Variants in NOTCH2NLB observed in about 807,000 individuals in gnomAD.
NOTCH2NLB encodes notch 2 N-terminal like B.
Under a neutral mutation model 14.8 loss-of-function variants are expected in NOTCH2NLB, and 1 was observed. The ratio of observed to expected loss-of-function variants is 0.07; its 90% CI spans 0.02 to 0.32. The LOEUF is 0.32. NOTCH2NLB is among the 10% of genes least tolerant of loss of function. The pLI, the probability that NOTCH2NLB is intolerant of heterozygous loss-of-function variation, is 1.00. For synonymous variants in NOTCH2NLB, 6 were observed against 57.5 expected (o/e 0.10, Z 4.05); for missense variants, 11 against 155.0 (o/e 0.07, Z 4.93).
chr1:148,654,771 TATA>T (rs1284414506), intron 1 of NOTCH2NLB, among the ~76,000 whole-genome samples: 1 of 95,420 alleles, frequency 1.0e-5, no homozygotes, highest in Non-Finnish European at 2.4e-5. Flanking sequence ...AGTTTTAAGC[TATA>T]ATAAGTCTAT....
chr1:148,625,318 T>C (rs1663955994), intron 2 of NOTCH2NLB, among the ~76,000 whole-genome samples: 1 of 71,440 alleles, frequency 1.4e-5, no homozygotes, highest in South Asian at 7.0e-4. Flanking sequence ...ATCCAGGGCT[T>C]TGCTGCAGCT....
chr1:148,636,914 G>A (rs1207832726), intron 2 of NOTCH2NLB, among the ~76,000 whole-genome samples: 1 of 145,754 alleles, frequency 6.9e-6, no homozygotes, highest in Non-Finnish European at 1.5e-5. Flanking sequence ...CCAAAAGGAT[G>A]GCCTCACCAA....
intron 1 of NOTCH2NLB, among the ~76,000 whole-genome samples, chr1:148,670,480 GTATAT>G (rs1261746707): frequency 7.4e-6 from 1 of 135,368 alleles, no homozygotes; most frequent in Non-Finnish European, 1.6e-5. Flanking sequence ...GTTGACAATA[GTATAT>G]TATGTGTGTG....
intron 1 of NOTCH2NLB, among the ~76,000 whole-genome samples, chr1:148,670,539 A>AAATATATATATACATATATAGATAT (rs1445301786): frequency 1.1e-5 from 1 of 93,482 alleles, no homozygotes; most frequent in African/African-American, 4.3e-5. Flanking sequence ...TAAAAAAAAA[A>AAATATATATATACATATATAGATAT]ATATATATAT....
At chr1:148,673,782 A>G (rs1178657478) in intron 1 of NOTCH2NLB, among the ~76,000 whole-genome samples, 4 of 148,660 alleles carry the variant, frequency 2.7e-5, no homozygotes, top group African/African-American at 9.8e-5. Context: ...ACCTGTCTCT[A>G]ATACTCTCAA....
At chr1:148,610,373 G>GAAAGAAAGAAAGAAAGAGAAAGAA (rs1484773225) in intron 3 of NOTCH2NLB, among the ~76,000 whole-genome samples, 1 of 89,188 alleles carries the variant, frequency 1.1e-5, no homozygotes, top group African/African-American at 4.9e-5. Context: ...AAGAAAGAAA[G>GAAAGAAAGAAAGAAAGAGAAAGAA]AGAAAGAAAG....
intron 1 of NOTCH2NLB, among the ~76,000 whole-genome samples, chr1:148,651,158 A>ATATATAT (rs1383778431): frequency 1.8e-4 from 15 of 81,292 alleles, no homozygotes; most frequent in African/African-American, 5.2e-4. Flanking sequence ...AAAAAAAAAA[A>ATATATAT]AAAAATATAT....
chr1:148,615,410 A>G (rs1162803727), intron 3 of NOTCH2NLB, among the ~76,000 whole-genome samples: 1 of 34,050 alleles, frequency 2.9e-5, no homozygotes, highest in African/African-American at 6.9e-5. Flanking sequence ...TTGGCCTGCC[A>G]AAATGCTGGG....
Position 148,679,395 on chromosome 1 carries a change from G to A in NOTCH2NLB, c.3+67C>T, listed in dbSNP as rs1451453258. 26 of 724,456 alleles carry A rather than the reference G, an allele frequency of 3.6e-5. 1 individual carries two copies. The highest frequency in any genetic ancestry group is 2.1e-4 in the African/African-American group (8 of 38,556). 44.9% of individuals were successfully genotyped at this position (724,456 alleles called of 1,614,324 possible). On this transcript the variant is annotated intron_variant, in intron 1 of 4. Transcript: ENST00000593495. Reference sequence around the variant, plus strand: ...CTTCCCACACAGAGAAGGACCGAGGGGGAGAAGGGTCGCCCCAGGTGGCAG... The same window carrying A: ...CTTCCCACACAGAGAAGGACCGAGGAGGAGAAGGGTCGCCCCAGGTGGCAG...
downstream of NOTCH2NLB, among the ~76,000 whole-genome samples, chr1:148,605,436 CCA>C (rs1258084517): frequency 4.9e-5 from 7 of 141,638 alleles, no homozygotes; most frequent in Admixed American, 1.4e-4. Context: ...ATCTCCCCTC[CCA>C]CACACACACA....
At chr1:148,707,967 C>A in the NOTCH2NLB span, among the ~76,000 whole-genome samples, 4 of 78,972 alleles carry the variant, frequency 5.1e-5, no homozygotes, top group Admixed American at 2.5e-4. Context: ...CCCCCCCCCC[C>A]ACCTTTTCTA....
At chr1:148,609,637 A>T (rs1663621007) in intron 3 of NOTCH2NLB, among the ~76,000 whole-genome samples, 1 of 143,176 alleles carries the variant, frequency 7.0e-6, no homozygotes, top group Admixed American at 6.9e-5. Context: ...GAACTCCTTG[A>T]ATTTGTTAAT....
At chr1:148,608,854 A>G (rs1268936698) in intron 3 of NOTCH2NLB, among the ~76,000 whole-genome samples, 1 of 143,624 alleles carries the variant, frequency 7.0e-6, no homozygotes, top group Non-Finnish European at 1.5e-5. Flanking sequence ...AGAGGTCTTG[A>G]AGGTATTCCG....
Position 148,609,583 on chromosome 1 carries a change from C to A in NOTCH2NLB, c.338-1838G>T, listed in dbSNP as rs1487731260. ...GTGTGCATGTGTCTTTATAGCAGCA[C>A]GATTTATAATTCTTTGGGTATATAC... On this transcript the variant is annotated intron_variant, in intron 3 of 4. Coordinates refer to ENST00000593495, the Ensembl canonical transcript of NOTCH2NLB. 2.1e-5 allele frequency among the ~76,000 whole-genome samples: 3 copies of A among 141,632 alleles called. 1 individual carries two copies. Among genetic ancestry groups the A allele is most frequent in the Non-Finnish European group, 4.6e-5 (3 of 65,116 alleles). 92.9% of individuals were successfully genotyped at this position (141,632 alleles called of 152,430 possible).
chr1:148,670,539 A>ATATATATAT (rs1553341886), intron 1 of NOTCH2NLB, among the ~76,000 whole-genome samples: 10 of 93,450 alleles, frequency 1.1e-4, no homozygotes, highest in African/African-American at 3.9e-4. Flanking sequence ...TAAAAAAAAA[A>ATATATATAT]ATATATATAT....
At chr1:148,712,512 G>A in the NOTCH2NLB span, among the ~76,000 whole-genome samples, 7 of 152,298 alleles carry the variant, frequency 4.6e-5, no homozygotes, top group African/African-American at 1.4e-4. Context: ...ATGAGAGATG[G>A]GCTCCCAGGG....
chr1:148,670,435 T>C (rs1664734822), intron 1 of NOTCH2NLB, among the ~76,000 whole-genome samples: 1 of 144,982 alleles, frequency 6.9e-6, no homozygotes, highest in African/African-American at 2.5e-5. Context: ...TTACCACTTA[T>C]CAAATGGTAA....
downstream of NOTCH2NLB, among the ~76,000 whole-genome samples, chr1:148,605,070 C>G (rs1287537260): frequency 7.3e-6 from 1 of 137,254 alleles, no homozygotes; most frequent in Non-Finnish European, 1.6e-5. Context: ...ATTTTTAACC[C>G]AAACAGCTTA....
intron 1 of NOTCH2NLB, among the ~76,000 whole-genome samples, chr1:148,670,295 G>A (rs1664730252): frequency 7.8e-6 from 1 of 128,916 alleles, no homozygotes; most frequent in African/African-American, 2.7e-5. Flanking sequence ...AAACCAGTAA[G>A]AAAATAATTA....
Sources: gnomAD v4.1 joint callset for allele counts (sites outside exome capture counted in the v4.1 genomes callset) on GRCh38, gnomAD v4.1.1 for gene constraint, MANE v1.5 for transcripts, NCBI Gene and HGNC (gene_info 2026-07-23, HGNC 2026-07-21) for gene names.